The following NR3C2 variants were observed in gnomAD, a reference collection of about 807,000 sequenced individuals.
NR3C2 encodes mineralocorticoid receptor.
A neutral mutation model predicts 86.4 loss-of-function variants in NR3C2; 15 were observed. That is an observed-to-expected ratio of 0.17 (90% CI 0.12 to 0.27). The LOEUF is 0.27. NR3C2 is among the 10% of genes least tolerant of loss of function. The pLI, the probability that NR3C2 is intolerant of heterozygous loss-of-function variation, is 1.00. For missense variants in NR3C2, 960 were observed against 1,195.6 expected, an observed-to-expected ratio of 0.80 and a Z score of 2.91; for synonymous variants, 458 against 450.5, an observed-to-expected ratio of 1.02 and a Z score of -0.21.
chr4:148,399,001 A>G (rs1285609538), intron 2 of NR3C2, among the ~76,000 whole-genome samples: 1 of 152,232 alleles, frequency 6.6e-6, no homozygotes, highest in Non-Finnish European at 1.5e-5. Context: ...AGAATATTTT[A>G]GGAAAAGTGA....
chr4:148,233,111 C>A (rs778279684), intron 3 of NR3C2, among the ~76,000 whole-genome samples: 1 of 152,170 alleles, frequency 6.6e-6, no homozygotes, highest in Non-Finnish European at 1.5e-5. Context: ...ACAAATTAAA[C>A]CAGCCACATG....
chr4:148,170,099 T>C (rs1735055699), intron 4 of NR3C2, among the ~76,000 whole-genome samples: 1 of 152,252 alleles, frequency 6.6e-6, no homozygotes, highest in Non-Finnish European at 1.5e-5. Context: ...TGTGTAGAAA[T>C]GGTCCTGTGT....
rs140321753 is a variant in NR3C2 at position 148,139,240 on chromosome 4, T to G, written c.2510+13229A>C. Among the ~76,000 whole-genome samples the G allele has an allele frequency of 4.9e-4, 74 of 152,312 alleles. 1 individual carries two copies. In the East Asian group the frequency reaches 0.014, roughly 29 times the overall value. On this transcript the variant is annotated intron_variant, in intron 6 of 8. Coordinates refer to ENST00000358102, the MANE Select transcript of NR3C2 (RefSeq NM_000901.5). ...TTCCATAGTAAAGGTAGAAGCCTTA[T>G]GTAGCTAAAAAACTCTGAGCATTGG...
Position 148,107,390 on chromosome 4 carries a change from T to C in NR3C2, c.2799+6714A>G, listed in dbSNP as rs532365577. 9.9e-4 allele frequency among the ~76,000 whole-genome samples: 151 copies of C among 152,334 alleles called. 1 individual carries two copies. The highest frequency in any genetic ancestry group is 3.4e-3 in the Middle Eastern group (1 of 294). The stretch of plus-strand genomic sequence containing the variant: ...TGGAGAAATAGGAATGCTTTTACAC[T>C]GTTGGTGGGAATGTAATTTAGTTCA... On this transcript the variant is annotated intron_variant, in intron 8 of 8. Coordinates refer to ENST00000358102, the MANE Select transcript of NR3C2 (RefSeq NM_000901.5).
At chr4:148,215,564 G>A (rs1161240238) in intron 3 of NR3C2, among the ~76,000 whole-genome samples, 2 of 152,274 alleles carry the variant, frequency 1.3e-5, no homozygotes, top group South Asian at 2.1e-4. Context: ...TTGTAACACT[G>A]AGGTTAAAAT....
chr4:148,134,301 T>C (rs1268603253), intron 6 of NR3C2, among the ~76,000 whole-genome samples: 1 of 152,196 alleles, frequency 6.6e-6, no homozygotes, highest in Non-Finnish European at 1.5e-5. Context: ...GACATTCATT[T>C]CCCACAAAAC....
At chr4:148,263,827 C>T (rs1740247606) in intron 2 of NR3C2, among the ~76,000 whole-genome samples, 1 of 152,212 alleles carries the variant, frequency 6.6e-6, no homozygotes, top group South Asian at 2.1e-4. Context: ...TGAAGTACCA[C>T]TCTCCCTTCT....
intron 6 of NR3C2, among the ~76,000 whole-genome samples, chr4:148,129,562 C>T (rs186779981): frequency 2.2e-4 from 34 of 152,260 alleles, no homozygotes. Flanking sequence ...ACAAGAATCT[C>T]TACAACCCAT....
At chr4:148,352,566 C>T (rs555721479) in intron 2 of NR3C2, among the ~76,000 whole-genome samples, 2 of 152,222 alleles carry the variant, frequency 1.3e-5, no homozygotes, top group Non-Finnish European at 1.5e-5. Flanking sequence ...TTTTCTCCTA[C>T]TGGCAACAGC....
intron 2 of NR3C2, among the ~76,000 whole-genome samples, chr4:148,344,282 C>T (rs1006695588): frequency 5.3e-5 from 8 of 152,084 alleles, no homozygotes; most frequent in African/African-American, 1.9e-4. Context: ...TCAACTAAAA[C>T]ATGATTAGAA....
chr4:148,355,835 A>G (rs1745524880), intron 2 of NR3C2, among the ~76,000 whole-genome samples: 1 of 152,216 alleles, frequency 6.6e-6, no homozygotes, highest in African/African-American at 2.4e-5. Flanking sequence ...AAAGAGGAAA[A>G]GCAAAGTTTC....
intron 3 of NR3C2, among the ~76,000 whole-genome samples, chr4:148,211,047 G>A (rs753792041): frequency 6.6e-6 from 1 of 152,210 alleles, no homozygotes; most frequent in Non-Finnish European, 1.5e-5. Flanking sequence ...TGTGGCCAGG[G>A]TACACACCTA....
chr4:148,172,982 T>C (rs1192865200), intron 4 of NR3C2, among the ~76,000 whole-genome samples: 1 of 152,210 alleles, frequency 6.6e-6, no homozygotes, highest in Non-Finnish European at 1.5e-5. Flanking sequence ...AAGGTTGATC[T>C]CTGAGGAGTA....
intron 2 of NR3C2, among the ~76,000 whole-genome samples, chr4:148,283,690 A>G (rs1362646536): frequency 6.6e-6 from 1 of 152,222 alleles, no homozygotes; most frequent in Non-Finnish European, 1.5e-5. Flanking sequence ...ATATGGTAAG[A>G]AAAGTGCTAA....
intron 8 of NR3C2, among the ~76,000 whole-genome samples, chr4:148,086,989 T>C (rs1007487655): frequency 3.9e-5 from 6 of 152,200 alleles, no homozygotes; most frequent in African/African-American, 9.6e-5. Context: ...TCAAATTGTC[T>C]CTGTTTGCAG....
intron 2 of NR3C2, among the ~76,000 whole-genome samples, chr4:148,324,078 C>A (rs1165634072): frequency 6.6e-6 from 1 of 152,142 alleles, no homozygotes; most frequent in Non-Finnish European, 1.5e-5. Context: ...AGACCATCAT[C>A]TACCACCATC....
intron 8 of NR3C2, among the ~76,000 whole-genome samples, chr4:148,092,648 A>T (rs898644905): frequency 6.6e-6 from 1 of 152,170 alleles, no homozygotes; most frequent in Non-Finnish European, 1.5e-5. Flanking sequence ...GAGCATCTTC[A>T]TTTTGTGGCA....
At chr4:148,377,499 T>C (rs1302252441) in intron 2 of NR3C2, among the ~76,000 whole-genome samples, 1 of 152,094 alleles carries the variant, frequency 6.6e-6, no homozygotes, top group Non-Finnish European at 1.5e-5. Flanking sequence ...GCACAGCAAC[T>C]GGCAAGAATG....
chr4:148,194,813 C>T lies in NR3C2; in HGVS notation c.1947G>A (p.Lys649=). Reference sequence around the variant, plus strand: ...AAGCAGGACAATTCTTTCGTCGAATCTTATCAATGATGCAATCATTTCTTC... The same window carrying T: ...AAGCAGGACAATTCTTTCGTCGAATTTTATCAATGATGCAATCATTTCTTC... The part of the protein sequence containing the change: ...CAGRNDCIID[K]IRRKNCPACR... The change falls in exon 4 of 9, where the codon AAG becomes AAA. Residue 649 remains lysine, a synonymous_variant. Transcript: ENST00000358102. 6.2e-7 allele frequency: 1 copy of T among 1,612,622 alleles called. No homozygotes were observed. The highest frequency in any genetic ancestry group is 8.5e-7 in the Non-Finnish European group (1 of 1,179,826).
Sources: allele counts gnomAD v4.1 joint callset (sites outside exome capture counted in the v4.1 genomes callset), GRCh38; gene constraint gnomAD v4.1.1; transcripts MANE v1.5; gene names NCBI Gene and HGNC (gene_info 2026-07-23, HGNC 2026-07-21).